The following FAM83G variants were observed in gnomAD, a reference collection of about 807,000 sequenced individuals.
FAM83G encodes protein FAM83G.
FAM83G carries 38 observed loss-of-function variants against 61.5 expected under a neutral mutation model. The ratio of observed to expected loss-of-function variants is 0.62; its 90% CI spans 0.48 to 0.81. The LOEUF (loss-of-function observed/expected upper bound fraction) is 0.81, where lower values mean the gene tolerates loss of function less well. Among genes scored for constraint, FAM83G ranks in the 30% least tolerant of loss-of-function variants. The pLI, the probability that FAM83G is intolerant of heterozygous loss-of-function variation, is 0.00. For missense variants in FAM83G, 989 were observed against 1,133.6 expected (o/e 0.87, Z 1.83); for synonymous variants, 470 against 476.1 (o/e 0.99, Z 0.17).
At chr17:18,981,083 C>T (rs1316787829) in intron 3 of FAM83G, among the ~76,000 whole-genome samples, 1 of 152,208 alleles carries the variant, frequency 6.6e-6, no homozygotes, top group Non-Finnish European at 1.5e-5. Context: ...CCGAGGCCTC[C>T]AGCTGCAGAG....
rs2043807160 is a variant in FAM83G at position 19,003,960 on chromosome 17, T to A, written c.82A>T (p.Ser28Cys). ...TCCAGCGCCAGCCGCTGCTCCTCGC[T>A]GTAGAAGAACTCAGGCTTGGACTCG... The part of the protein sequence containing the change: ...SSESKPEFFY[S>C]EEQRLALEAL... Residue 28 changes from serine to cysteine, a missense_variant, in exon 2 of 6, where the codon AGC (serine) becomes TGC (cysteine). Physicochemically the swap from Ser to Cys is moderately radical, Grantham distance 112 (BLOSUM62 -1). Coordinates refer to ENST00000388995, the MANE Select transcript of FAM83G (RefSeq NM_001039999.3). This position sits in a 1 kb window ranked among gnomAD's most constrained non-coding sequence, Gnocchi z 4.5. The A allele has an allele frequency of 6.2e-7, 1 of 1,612,910 alleles. No homozygotes were observed. Among genetic ancestry groups the A allele is most frequent in the East Asian group, 2.2e-5 (1 of 44,858 alleles).
Position 19,004,184 on chromosome 17 carries a change from T to C in FAM83G, c.-128-15A>G. 1 of 675,062 alleles carries C rather than the reference T, an allele frequency of 1.5e-6. No individual in the cohort carries two copies. The highest frequency in any genetic ancestry group is 2.2e-6 in the Non-Finnish European group (1 of 453,276). 41.8% of individuals were successfully genotyped at this position (675,062 alleles called of 1,614,324 possible). A position where few individuals can be genotyped will look rare whatever the true frequency, so the allele number is the denominator to read the frequency against. Reference sequence around the variant, plus strand: ...CCATGAGCAATCTGCGGGAAAGACCTGATGAGCCCGGCTCGGCGGGGAGGG... The same window carrying C: ...CCATGAGCAATCTGCGGGAAAGACCCGATGAGCCCGGCTCGGCGGGGAGGG... On this transcript the variant is annotated splice_polypyrimidine_tract_variant and intron_variant, in intron 1 of 5. Transcript: ENST00000388995. This position sits in a 1 kb window ranked among gnomAD's most constrained non-coding sequence, Gnocchi z 5.4.
In FAM83G at chr17:18,970,811, AT is replaced by A; in HGVS notation, c.*547del. ...CTTAATAGTATTATTTTAAATACGAATAAAATAGTCATTCAAATACACCTTA... is the reference window on the plus strand; with the variant it reads ...CTTAATAGTATTATTTTAAATACGAAAAAATAGTCATTCAAATACACCTTA... On this transcript the variant is annotated 3_prime_UTR_variant, in exon 6 of 6. Coordinates refer to ENST00000388995, the MANE Select transcript of FAM83G (RefSeq NM_001039999.3). 1 of 592,092 alleles carries A rather than the reference AT, an allele frequency of 1.7e-6. No homozygotes were observed. The highest frequency in any genetic ancestry group is 3.0e-6 in the Non-Finnish European group (1 of 333,170). The allele number at this position is 592,092 out of a possible 1,614,324, so 36.7% of individuals were successfully genotyped here.
At chr17:18,976,555 C>G in intron 5 of FAM83G, 2 of 373,418 alleles carry the variant, frequency 5.4e-6, no homozygotes, top group Non-Finnish European at 9.7e-6. Flanking sequence ...CTCCTCCAGC[C>G]CTGACAATTG....
At chr17:18,977,092 A>G (rs992363887) in intron 5 of FAM83G, 2 of 1,507,998 alleles carry the variant, frequency 1.3e-6, no homozygotes, top group Non-Finnish European at 1.8e-6. Flanking sequence ...GATAGATGTG[A>G]ACTGTTCCCC....
At chr17:19,002,384 C>G (rs2043753287) in intron 2 of FAM83G, among the ~76,000 whole-genome samples, 2 of 152,236 alleles carry the variant, frequency 1.3e-5, no homozygotes, top group Admixed American at 1.3e-4. Flanking sequence ...GGCCAGGGGC[C>G]ACCTCACCAG....
chr17:18,988,782 G>A (rs2043334903), intron 2 of FAM83G, among the ~76,000 whole-genome samples: 1 of 152,212 alleles, frequency 6.6e-6, no homozygotes, highest in Non-Finnish European at 1.5e-5. Context: ...CTACATTCCT[G>A]GGCTGGTGTG....
chr17:18,977,132 G>C (rs2043000790), intron 5 of FAM83G: 1 of 1,154,070 alleles, frequency 8.7e-7, no homozygotes, highest in Non-Finnish European at 1.2e-6. Flanking sequence ...GTGGTCCTCA[G>C]GGCCACAATC....
chr17:18,985,624 G>A lies in FAM83G; in HGVS notation c.690+2623C>T, dbSNP rs1597864587. 2.6e-5 allele frequency among the ~76,000 whole-genome samples: 4 copies of A among 152,336 alleles called. No individual in the cohort carries two copies. In the South Asian group the frequency reaches 8.3e-4, roughly 32 times the overall value. ...CTCGACAGGGGGTGACACTTGGCTG[G>A]GGCTGGGCTCTCAGGGCCTCTGGCC... On this transcript the variant is annotated intron_variant, in intron 3 of 5. Coordinates refer to ENST00000388995, the MANE Select transcript of FAM83G (RefSeq NM_001039999.3).
At chr17:18,991,561 C>T (rs544425812) in intron 2 of FAM83G, among the ~76,000 whole-genome samples, 15 of 152,282 alleles carry the variant, frequency 9.9e-5, no homozygotes, top group African/African-American at 3.4e-4. Context: ...ATGTCAGGGG[C>T]CACACTGGGC....
At chr17:18,976,198 T>TAAAAAAAAAAAAAAAAA (rs2042976754) in intron 5 of FAM83G, 1 of 83,856 alleles carries the variant, frequency 1.2e-5, no homozygotes, top group Admixed American at 1.3e-4. Context: ...AAAAAAAAAG[T>TAAAAAAAAAAAAAAAAA]AACTCTTTTG....
At chr17:19,001,814 G>A (rs773184908) in intron 2 of FAM83G, among the ~76,000 whole-genome samples, 2 of 152,224 alleles carry the variant, frequency 1.3e-5, no homozygotes, top group African/African-American at 4.8e-5. Context: ...GGATCTGTCT[G>A]TCTGCAGACC....
At chr17:18,977,190 C>A in intron 5 of FAM83G, 2 of 689,524 alleles carry the variant, frequency 2.9e-6, no homozygotes, top group Non-Finnish European at 4.8e-6. Flanking sequence ...GGACAGGTAT[C>A]ACTTACTGCT....
intron 3 of FAM83G, chr17:18,986,108 GT>G (rs1016174048): frequency 6.6e-6 from 1 of 152,296 alleles, no homozygotes; most frequent in African/African-American, 2.4e-5. Context: ...CCAGTGAGCC[GT>G]GTGGGCAGCA....
At chr17:18,980,137 C>T (rs575136335) in intron 3 of FAM83G, among the ~76,000 whole-genome samples, 41 of 152,250 alleles carry the variant, frequency 2.7e-4, no homozygotes, top group African/African-American at 9.4e-4. Context: ...CCTGCAGAAT[C>T]TGTGCCTTAT....
intron 2 of FAM83G, among the ~76,000 whole-genome samples, chr17:18,993,818 G>A (rs903364851): frequency 6.6e-6 from 1 of 152,216 alleles, no homozygotes; most frequent in African/African-American, 2.4e-5. Context: ...CTGGGAAGCT[G>A]CATGACCTTG....
intron 5 of FAM83G, among the ~76,000 whole-genome samples, chr17:18,972,505 C>A (rs1208738192): frequency 6.6e-6 from 1 of 152,204 alleles, no homozygotes. Context: ...CTCTGCTCTT[C>A]CTCTCCCAAG....
intron 2 of FAM83G, among the ~76,000 whole-genome samples, chr17:18,999,076 G>A (rs533340624): frequency 6.6e-6 from 1 of 152,144 alleles, no homozygotes; most frequent in South Asian, 2.1e-4. Context: ...TCAGGAGTTC[G>A]AGACCCACCT....
At chr17:18,992,367 C>A (rs1056906728) in intron 2 of FAM83G, among the ~76,000 whole-genome samples, 2 of 152,202 alleles carry the variant, frequency 1.3e-5, no homozygotes, top group Non-Finnish European at 2.9e-5. Flanking sequence ...ATCCCCAGTG[C>A]CCTGCCAGGA....
Sources: allele counts gnomAD v4.1 joint callset (sites outside exome capture counted in the v4.1 genomes callset), GRCh38; gene constraint gnomAD v4.1.1; non-coding constraint Gnocchi (gnomAD v3.1); transcripts MANE v1.5; gene names NCBI Gene and HGNC (gene_info 2026-07-23, HGNC 2026-07-21).